Variants in GP6 observed in about 807,000 individuals in gnomAD.
GP6 encodes platelet glycoprotein VI.
Under a neutral mutation model 37.3 loss-of-function variants are expected in GP6, and 45 were observed. The observed-to-expected ratio is 1.21, with a 90% CI of 0.95 to 1.55. The LOEUF is 1.55. GP6 is among the 40% of genes most tolerant of loss of function. The pLI, the probability that GP6 is intolerant of heterozygous loss-of-function variation, is 0.00. For missense variants in GP6, 813 were observed against 760.2 expected (o/e 1.07, Z -0.82); for synonymous variants, 340 against 316.4 (o/e 1.07, Z -0.79).
intron 3 of GP6, among the ~76,000 whole-genome samples, chr19:55,031,750 C>A (rs373810690): frequency 6.6e-6 from 1 of 151,750 alleles, no homozygotes; most frequent in Non-Finnish European, 1.5e-5. Context: ...GAGACCCTAT[C>A]TCTCTCTCTT....
At chr19:55,026,137 C>T (rs963460765) in intron 4 of GP6, among the ~76,000 whole-genome samples, 1 of 152,140 alleles carries the variant, frequency 6.6e-6, no homozygotes, top group Non-Finnish European at 1.5e-5. Flanking sequence ...TTCCTGTGTC[C>T]TACCCCTCAC....
chr19:55,028,244 T>C (rs2074385796), intron 3 of GP6, among the ~76,000 whole-genome samples: 1 of 152,266 alleles, frequency 6.6e-6, no homozygotes, highest in African/African-American at 2.4e-5. Context: ...CTTAAGCTTA[T>C]ACTGTGCTGT....
chr19:55,015,388 C>G (rs2073834918), intron 7 of GP6, among the ~76,000 whole-genome samples: 1 of 152,208 alleles, frequency 6.6e-6, no homozygotes, highest in Admixed American at 6.5e-5. Flanking sequence ...GGCTCTGAGA[C>G]AACTCCTCCC....
At chr19:55,018,496 A>T (rs2073957332) in intron 6 of GP6, among the ~76,000 whole-genome samples, 156 bp downstream of exon 6, 1 of 152,166 alleles carries the variant, frequency 6.6e-6, no homozygotes, top group Non-Finnish European at 1.5e-5. Flanking sequence ...CCAGAGCTCC[A>T]CTCTGCACCC....
At chr19:55,025,801 A>T (rs2074277789) in intron 4 of GP6, among the ~76,000 whole-genome samples, 1 of 152,146 alleles carries the variant, frequency 6.6e-6, no homozygotes, top group Non-Finnish European at 1.5e-5. Flanking sequence ...CAAGAGTTCA[A>T]GACCAGCCTG....
intron 1 of GP6, among the ~76,000 whole-genome samples, chr19:55,036,508 G>A (rs2074835178): frequency 1.3e-5 from 2 of 151,328 alleles, no homozygotes; most frequent in South Asian, 4.2e-4. Flanking sequence ...AGACCAGCCT[G>A]GGCAACATAG....
chr19:55,016,860 A>G (rs2073895154), intron 6 of GP6, among the ~76,000 whole-genome samples: 1 of 151,744 alleles, frequency 6.6e-6, no homozygotes, highest in Non-Finnish European at 1.5e-5. Flanking sequence ...GATCGAGACC[A>G]TCCTGGCCAA....
Position 55,032,107 on chromosome 19 carries a change from G to A in GP6, c.325+32C>T, listed in dbSNP as rs773719373. On this transcript the variant is annotated intron_variant, in intron 3 of 7. Coordinates refer to ENST00000310373, the MANE Select transcript of GP6 (RefSeq NM_001083899.2). Reference sequence around the variant, plus strand: ...ATTTGTGTCCTGAACGGAGGACCACGCAGTCCCAGGCTCCGATCCCCCTTC... The same window carrying A: ...ATTTGTGTCCTGAACGGAGGACCACACAGTCCCAGGCTCCGATCCCCCTTC... 32 of 1,608,682 alleles carry A rather than the reference G, an allele frequency of 2.0e-5. No homozygotes were observed. The East Asian group carries it at 4.5e-4, about 22-fold the overall frequency.
chr19:55,024,503 A>G (rs2074231631), intron 5 of GP6, among the ~76,000 whole-genome samples: 2 of 151,938 alleles, frequency 1.3e-5, no homozygotes, highest in African/African-American at 4.8e-5. Flanking sequence ...TTGGTGCTTC[A>G]CTCTGAGACA....
At chr19:55,015,206 A>C (rs754866132) in intron 7 of GP6, 41 bp from the exon 8 acceptor site, 5 of 1,548,830 alleles carry the variant, frequency 3.2e-6, no homozygotes. Flanking sequence ...GAAAGAGCCC[A>C]CCTCCAGGAC....
chr19:55,028,731 G>A (rs2074403318), intron 3 of GP6, among the ~76,000 whole-genome samples: 1 of 152,232 alleles, frequency 6.6e-6, no homozygotes, highest in Admixed American at 6.5e-5. Context: ...TGCACTCACA[G>A]AGTTTGATTC....
chr19:55,035,120 C>G (rs1330373137), intron 1 of GP6, among the ~76,000 whole-genome samples: 1 of 152,196 alleles, frequency 6.6e-6, no homozygotes, highest in African/African-American at 2.4e-5. Flanking sequence ...CCACCATTAT[C>G]AGTCCCCTCT....
intron 5 of GP6, among the ~76,000 whole-genome samples, chr19:55,020,879 C>T (rs1894701536): frequency 6.6e-6 from 1 of 150,948 alleles, no homozygotes; most frequent in Admixed American, 6.6e-5. Flanking sequence ...GGTGAAACTC[C>T]CGTCTCTAGC....
intron 3 of GP6, among the ~76,000 whole-genome samples, chr19:55,029,590 A>G (rs1298614170): frequency 1.4e-4 from 21 of 150,774 alleles, no homozygotes; most frequent in Non-Finnish European, 2.7e-4. Context: ...GGGTTTCACC[A>G]TGTTAGCCAG....
chr19:55,020,492 T>C (rs886121340), intron 5 of GP6, among the ~76,000 whole-genome samples: 2 of 152,140 alleles, frequency 1.3e-5, no homozygotes, highest in African/African-American at 4.8e-5. Flanking sequence ...GTTCCTGTGT[T>C]AGTTTGCTGA....
At position 55,030,899 on chromosome 19, in the gene GP6, A is replaced by G. The variant is rs142425389; in HGVS notation, c.325+1240T>C. Among the ~76,000 whole-genome samples, 1,243 of 152,148 alleles carry G rather than the reference A, an allele frequency of 8.2e-3. 8 individuals are homozygous for G. The highest frequency in any genetic ancestry group is 0.013 in the Non-Finnish European group (875 of 68,002). ...GGTCTCACTCTGTCACCCAGGCTGG[A>G]GTGCAGTGGCGTGATCACAGCTCCC... On this transcript the variant is annotated intron_variant, in intron 3 of 7. Transcript: ENST00000310373.
In GP6 at chr19:55,025,236, G is replaced by T; in HGVS notation, c.646C>A (p.Pro216Thr). 1 of 1,547,136 alleles carries T rather than the reference G, an allele frequency of 6.5e-7. No homozygotes were observed. Among genetic ancestry groups the T allele is most frequent in the African/African-American group, 1.4e-5 (1 of 73,098 alleles). ...AACCTACCTGCTACCGGGGAAGGTG[G>T]TTCTGTTGGTAACCGGCTGGGGGTC... Residue 216 changes from proline (P) to threonine (T), a missense_variant, in exon 5 of 8, where the codon CCA becomes ACA. By Grantham distance (38) the Pro-to-Thr change is conservative. Coordinates refer to ENST00000310373, the MANE Select transcript of GP6 (RefSeq NM_001083899.2).
At chr19:55,021,189 T>A (rs2074067110) in intron 5 of GP6, among the ~76,000 whole-genome samples, 3 of 126,416 alleles carry the variant, frequency 2.4e-5, no homozygotes, top group Admixed American at 8.8e-5. Flanking sequence ...TAAAACCCCA[T>A]CTCTACTAAA....
chr19:55,029,184 C>A (rs951884919), intron 3 of GP6, among the ~76,000 whole-genome samples: 1 of 149,698 alleles, frequency 6.7e-6, no homozygotes, highest in East Asian at 2.0e-4. Flanking sequence ...GCAATATTTT[C>A]TCTTAATTTT....
Sources: gnomAD v4.1 joint callset for allele counts (sites outside exome capture counted in the v4.1 genomes callset) on GRCh38, gnomAD v4.1.1 for gene constraint, MANE v1.5 for transcripts, NCBI Gene and HGNC (gene_info 2026-07-23, HGNC 2026-07-21) for gene names.